The following LRRC8A variants were observed in gnomAD, a reference collection of about 807,000 sequenced individuals.
LRRC8A encodes the protein leucine rich repeat containing 8 VRAC subunit A.
Under a neutral mutation model 52.5 loss-of-function variants are expected in LRRC8A, and 24 were observed. The ratio of observed to expected loss-of-function variants is 0.46; its 90% CI spans 0.33 to 0.64. The LOEUF (loss-of-function observed/expected upper bound fraction) is 0.64. Ranked by LOEUF, LRRC8A falls within the 30% of genes least tolerant of loss-of-function variation. The pLI, the probability that LRRC8A is intolerant of heterozygous loss-of-function variation, is 0.02. For missense variants in LRRC8A, 677 were observed against 1,094.7 expected (o/e 0.62, Z 5.38); for synonymous variants, 492 against 494.2 (o/e 1.00, Z 0.06).
At chr9:128,913,281 GC>G (rs904879860) in intron 3 of LRRC8A, among the ~76,000 whole-genome samples, 3 of 152,160 alleles carry the variant, frequency 2.0e-5, no homozygotes, top group African/African-American at 7.2e-5. Context: ...GGTCAGGAAG[GC>G]CAGAGAGCCA....
At position 128,899,908 on chromosome 9, in the gene LRRC8A, T is replaced by C. The variant is rs1348445409; in HGVS notation, c.-8-7249T>C. Among the ~76,000 whole-genome samples the C allele has an allele frequency of 9.9e-5, 15 of 152,208 alleles. No individual in the cohort carries two copies. Among genetic ancestry groups the C allele is most frequent in the Non-Finnish European group, 1.6e-4 (11 of 68,034 alleles). On this transcript the variant is annotated intron_variant, in intron 2 of 3. Transcript: ENST00000372600. This position sits in a 1 kb window ranked among gnomAD's most constrained non-coding sequence, Gnocchi z 4.0. ...TACATTTTCAGTTACATGTGTTTTA[T>C]GACAGTCTAAAAAAATTGAGGGGAA...
chr9:128,908,965 T>A lies in LRRC8A; in HGVS notation c.1801T>A (p.Cys601Ser). The change falls in exon 3 of 4, where the codon TGT (cysteine) becomes AGT (serine). Residue 601 changes from cysteine to serine, a missense_variant. Cys to Ser is a moderately radical substitution (Grantham distance 112). This residue lies in a region of LRRC8A where 422 missense variants were observed against 741.5 expected (regional missense o/e 0.57). Transcript: ENST00000372600. ...CCTGACTGAGCTGGAGCTGATCCGC[T>A]GTGACCTGGAGCGCATCCCCCACTC... ...ANLTELELIRCDLERIPHSIF... is the reference protein window; with the variant it reads ...ANLTELELIRSDLERIPHSIF... The A allele has an allele frequency of 6.2e-7, 1 of 1,614,138 alleles. No individual in the cohort carries two copies. Among genetic ancestry groups the A allele is most frequent in the Non-Finnish European group, 8.5e-7 (1 of 1,180,014 alleles).
In LRRC8A at chr9:128,899,490, G is replaced by A. The variant is rs1259564934; in HGVS notation, c.-8-7667G>A. Among the ~76,000 whole-genome samples, 2 of 151,930 alleles carry A rather than the reference G, an allele frequency of 1.3e-5. No individual in the cohort carries two copies. Among genetic ancestry groups the A allele is most frequent in the South Asian group, 2.1e-4 (1 of 4,810 alleles). On this transcript the variant is annotated intron_variant, in intron 2 of 3. Coordinates refer to ENST00000372600, the MANE Select transcript of LRRC8A (RefSeq NM_019594.4). The surrounding 1 kb of genome is among the most constrained non-coding windows in gnomAD (Gnocchi z 4.0). ...AACGCCACCTCTGTCACTTATAGGC[G>A]GTATGAAGTTGGGCAGAAGACTTCT...
chr9:128,884,717 G>A (rs1839320604), intron 1 of LRRC8A, among the ~76,000 whole-genome samples: 1 of 152,166 alleles, frequency 6.6e-6, no homozygotes, highest in Admixed American at 6.5e-5. Flanking sequence ...CCATGGGCAG[G>A]TGATTGGACC....
intron 2 of LRRC8A, among the ~76,000 whole-genome samples, chr9:128,895,153 G>A (rs1839775227): frequency 2.0e-5 from 3 of 152,084 alleles, no homozygotes; most frequent in Admixed American, 6.6e-5. Flanking sequence ...ATTCTTTTAT[G>A]CTTAATATCT....
chr9:128,888,712 G>A (rs2130936777), intron 2 of LRRC8A, among the ~76,000 whole-genome samples: 1 of 152,210 alleles, frequency 6.6e-6, no homozygotes, highest in Non-Finnish European at 1.5e-5. Context: ...GGATCGCGCT[G>A]GGAGTGAGGT....
chr9:128,900,728 C>G (rs896724953), intron 2 of LRRC8A, among the ~76,000 whole-genome samples: 1 of 152,008 alleles, frequency 6.6e-6, no homozygotes, highest in Non-Finnish European at 1.5e-5. Flanking sequence ...AAAATAAAAG[C>G]ATTTAGTTCC....
chr9:128,901,778 G>A (rs58353108), intron 2 of LRRC8A, among the ~76,000 whole-genome samples: 8,391 of 152,164 alleles, frequency 0.055, 275 homozygotes, highest in African/African-American at 0.095. Flanking sequence ...GGCAAGAGCC[G>A]TGTGGGAGGG....
chr9:128,900,581 G>A (rs1312677137), intron 2 of LRRC8A, among the ~76,000 whole-genome samples: 1 of 151,866 alleles, frequency 6.6e-6, no homozygotes, highest in Non-Finnish European at 1.5e-5. Flanking sequence ...GGTGGTGGGC[G>A]CCTATAATCC....
At chr9:128,903,700 T>A (rs1325479326) in intron 2 of LRRC8A, among the ~76,000 whole-genome samples, 2 of 150,138 alleles carry the variant, frequency 1.3e-5, no homozygotes, top group Non-Finnish European at 3.0e-5. Context: ...GGCGTGAGCC[T>A]CTGTGCCTGG....
At chr9:128,894,356 T>A (rs897730622) in intron 2 of LRRC8A, among the ~76,000 whole-genome samples, 5 of 151,714 alleles carry the variant, frequency 3.3e-5, no homozygotes, top group Non-Finnish European at 7.4e-5. Context: ...TTGTGGTGGG[T>A]GCCTATAGTC....
chr9:128,912,123 C>G (rs1485322655), intron 3 of LRRC8A, among the ~76,000 whole-genome samples: 1 of 152,236 alleles, frequency 6.6e-6, no homozygotes, highest in African/African-American at 2.4e-5. Flanking sequence ...CAGGGTCTCA[C>G]TGTGTTTTCT....
intron 2 of LRRC8A, among the ~76,000 whole-genome samples, chr9:128,900,746 T>TG (rs1456070962): frequency 1.3e-5 from 2 of 152,060 alleles, no homozygotes; most frequent in African/African-American, 4.8e-5. Context: ...TCCTAAGACT[T>TG]GCTGGGTGCA....
At chr9:128,914,770 C>A (rs1011948002) in intron 3 of LRRC8A, among the ~76,000 whole-genome samples, 5 of 152,232 alleles carry the variant, frequency 3.3e-5, no homozygotes, top group African/African-American at 1.2e-4. Flanking sequence ...CGGGCAGGCT[C>A]AACTCATGGC....
At chr9:128,882,571 G>T (rs1052690047) in intron 1 of LRRC8A, 1 of 397,428 alleles carries the variant, frequency 2.5e-6, no homozygotes, top group African/African-American at 2.1e-5. Context: ...GGTCCCCCCA[G>T]ATCCTCACCC....
In LRRC8A at chr9:128,911,150, T is replaced by G. The variant is rs934415027; in HGVS notation, c.2157+1829T>G. Among the ~76,000 whole-genome samples, 1 of 152,136 alleles carries G rather than the reference T, an allele frequency of 6.6e-6. No individual in the cohort carries two copies. The highest frequency in any genetic ancestry group is 2.4e-5 in the African/African-American group (1 of 41,412). On this transcript the variant is annotated intron_variant, in intron 3 of 3. Transcript: ENST00000372600. The surrounding 1 kb of genome is among the most constrained non-coding windows in gnomAD (Gnocchi z 4.9). ...CCCTGGAATGCCCTGTCTGTCCTCCTGGGCCCCAGGACAGGACACACCTTC... is the reference window on the plus strand; with the variant it reads ...CCCTGGAATGCCCTGTCTGTCCTCCGGGGCCCCAGGACAGGACACACCTTC...
In LRRC8A at chr9:128,882,155, CA is replaced by C; in HGVS notation, c.-207del. On this transcript the variant is annotated 5_prime_UTR_variant, in exon 1 of 4. Coordinates refer to ENST00000372600, the MANE Select transcript of LRRC8A (RefSeq NM_019594.4). ...GCTGAGTGGTGCAGTGAGGGACAAACAAAAGGAGGCGCCGGAGCAGCGCTGC... is the reference window on the plus strand; with the variant it reads ...GCTGAGTGGTGCAGTGAGGGACAAACAAAGGAGGCGCCGGAGCAGCGCTGC... The C allele has an allele frequency of 6.6e-6, 1 of 152,626 alleles. No homozygotes were observed. The highest frequency in any genetic ancestry group is 2.0e-4 in the South Asian group (1 of 4,998). The allele number at this position is 152,626 out of a possible 1,614,324, so 9.5% of individuals were successfully genotyped here. A position where few individuals can be genotyped will look rare whatever the true frequency, so the allele number is the denominator to read the frequency against.
chr9:128,916,980 G>A lies in LRRC8A; in HGVS notation c.*609G>A, dbSNP rs541878230. ...GGAGAGCAGGCCTCCAGCTGGAAAGGCCAGGCCTGGAGCTTGCCTCTTCAG... is the reference window on the plus strand; with the variant it reads ...GGAGAGCAGGCCTCCAGCTGGAAAGACCAGGCCTGGAGCTTGCCTCTTCAG... On this transcript the variant is annotated 3_prime_UTR_variant, in exon 4 of 4. Coordinates refer to ENST00000372600, the MANE Select transcript of LRRC8A (RefSeq NM_019594.4). The surrounding 1 kb of genome is among the most constrained non-coding windows in gnomAD (Gnocchi z 6.1). 2 of 152,318 alleles carry A rather than the reference G, an allele frequency of 1.3e-5. No homozygotes were observed. Among genetic ancestry groups the A allele is most frequent in the South Asian group, 2.1e-4 (1 of 4,812 alleles). 9.4% of individuals were successfully genotyped at this position (152,318 alleles called of 1,614,324 possible). A position where few individuals can be genotyped will look rare whatever the true frequency, so the allele number is the denominator to read the frequency against.
intron 2 of LRRC8A, among the ~76,000 whole-genome samples, chr9:128,906,316 A>ATTTTTT (rs71383620): frequency 7.3e-4 from 58 of 79,208 alleles, no homozygotes; most frequent in South Asian, 8.7e-4. Context: ...CCCATGTGGA[A>ATTTTTT]TTTTTTTTTT....
Sources: gnomAD v4.1 joint callset for allele counts (sites outside exome capture counted in the v4.1 genomes callset) on GRCh38, gnomAD v4.1.1 for gene constraint, gnomAD v4.1.1 regional missense constraint, Gnocchi (gnomAD v3.1) non-coding constraint, MANE v1.5 for transcripts, NCBI Gene and HGNC (gene_info 2026-07-23, HGNC 2026-07-21) for gene names.